The following COBL variants were observed in gnomAD, a reference collection of about 807,000 sequenced individuals.
COBL encodes cordon-bleu WH2 repeat protein, also known as protein cordon-bleu.
In COBL, 51 loss-of-function variants were observed where a neutral mutation model predicts 98.8. The ratio of observed to expected loss-of-function variants is 0.52; its 90% CI spans 0.41 to 0.65. The LOEUF (loss-of-function observed/expected upper bound fraction) is 0.65. COBL is among the 30% of genes least tolerant of loss of function. The pLI, the probability that COBL is intolerant of heterozygous loss-of-function variation, is 0.00. For synonymous variants in COBL, 634 were observed against 651.7 expected (o/e 0.97, Z 0.41); for missense variants, 1,617 against 1,617.5 (o/e 1.00, Z 0.01).
chr7:51,079,657 C>T (rs766262840), intron 7 of COBL, among the ~76,000 whole-genome samples: 10 of 152,224 alleles, frequency 6.6e-5, no homozygotes, highest in Non-Finnish European at 1.0e-4. Flanking sequence ...CAGAGACAGG[C>T]ACCTGAGGTG....
At chr7:51,175,187 G>A (rs1320943011) in intron 5 of COBL, among the ~76,000 whole-genome samples, 4 of 152,248 alleles carry the variant, frequency 2.6e-5, no homozygotes, top group African/African-American at 9.6e-5. Flanking sequence ...CTTGGAGCAG[G>A]TAGGTCAAGG....
At chr7:51,156,228 G>GAAGGCA (rs1363443530) in intron 5 of COBL, 4 of 984,134 alleles carry the variant, frequency 4.1e-6, no homozygotes, top group Admixed American at 6.2e-5. Context: ...TACAAGCCAA[G>GAAGGCA]AAGGCAAATT....
At chr7:51,139,817 G>A (rs1583928515) in intron 5 of COBL, among the ~76,000 whole-genome samples, 1 of 152,278 alleles carries the variant, frequency 6.6e-6, no homozygotes, top group East Asian at 1.9e-4. Flanking sequence ...TCAATACGAA[G>A]TCAAAGGGAA....
intron 5 of COBL, among the ~76,000 whole-genome samples, chr7:51,148,676 T>C (rs1387862436): frequency 6.6e-6 from 1 of 152,176 alleles, no homozygotes; most frequent in Non-Finnish European, 1.5e-5. Context: ...GAAATGCATA[T>C]CCCTCCATGA....
chr7:51,237,225 T>G (rs914028410), intron 1 of COBL, among the ~76,000 whole-genome samples: 2 of 152,196 alleles, frequency 1.3e-5, no homozygotes, highest in Non-Finnish European at 1.5e-5. Flanking sequence ...CAAAGTAAAC[T>G]AATTCTTTAA....
At chr7:51,067,476 T>C (rs2128919096) in intron 7 of COBL, among the ~76,000 whole-genome samples, 1 of 152,364 alleles carries the variant, frequency 6.6e-6, no homozygotes, top group African/African-American at 2.4e-5. Context: ...TATACATCTA[T>C]GCACATGTAC....
chr7:51,164,533 G>A (rs945513361), intron 5 of COBL, among the ~76,000 whole-genome samples: 2 of 151,938 alleles, frequency 1.3e-5, no homozygotes, highest in South Asian at 2.1e-4. Context: ...AATATCCTTC[G>A]GACATAAAGG....
intron 5 of COBL, among the ~76,000 whole-genome samples, chr7:51,147,587 G>A (rs1583960738): frequency 6.6e-6 from 1 of 152,102 alleles, no homozygotes; most frequent in African/African-American, 2.4e-5. Flanking sequence ...AACAAAGGGA[G>A]GAGGAAGTAA....
intron 7 of COBL, among the ~76,000 whole-genome samples, chr7:51,074,387 G>A (rs1020330930): frequency 6.6e-6 from 1 of 151,716 alleles, no homozygotes; most frequent in Non-Finnish European, 1.5e-5. Context: ...GTAGAGATGG[G>A]GTTTCACTAT....
At chr7:51,018,173 C>T (rs774999241) in intron 12 of COBL, among the ~76,000 whole-genome samples, 13 of 151,088 alleles carry the variant, frequency 8.6e-5, no homozygotes, top group African/African-American at 1.2e-4. Flanking sequence ...GCAGTGGTAA[C>T]GGTGGTTATG....
At chr7:51,165,168 C>A (rs1787182516) in intron 5 of COBL, among the ~76,000 whole-genome samples, 1 of 151,768 alleles carries the variant, frequency 6.6e-6, no homozygotes, top group Non-Finnish European at 1.5e-5. Context: ...TCTCAAAAAA[C>A]AGACTGGCTG....
At chr7:51,169,149 A>C (rs1787613494) in intron 5 of COBL, among the ~76,000 whole-genome samples, 1 of 152,198 alleles carries the variant, frequency 6.6e-6, no homozygotes, top group Non-Finnish European at 1.5e-5. Flanking sequence ...AAACCTTGGT[A>C]TCCACAACCC....
intron 2 of COBL, among the ~76,000 whole-genome samples, chr7:51,194,934 T>C (rs1002145497): frequency 1.3e-5 from 2 of 152,212 alleles, no homozygotes; most frequent in African/African-American, 2.4e-5. Flanking sequence ...GTCAGATGCA[T>C]AGTTGGAAAA....
intron 5 of COBL, among the ~76,000 whole-genome samples, chr7:51,152,341 T>G (rs1253366299): frequency 2.0e-5 from 3 of 152,218 alleles, no homozygotes; most frequent in Admixed American, 6.5e-5. Context: ...CATCTGTAGC[T>G]TGTTTCTTAG....
At chr7:51,038,554 G>A (rs1010004843) in intron 8 of COBL, among the ~76,000 whole-genome samples, 3 of 152,212 alleles carry the variant, frequency 2.0e-5, no homozygotes, top group African/African-American at 7.2e-5. Context: ...AGAACATAGC[G>A]AGGTAGACCT....
At chr7:51,307,898 T>G (rs944798737) in intron 1 of COBL, among the ~76,000 whole-genome samples, 6 of 152,232 alleles carry the variant, frequency 3.9e-5, no homozygotes, top group African/African-American at 1.4e-4. Context: ...TTGGCTCTTG[T>G]GAGAGATCTG....
At position 51,195,369 on chromosome 7, in the gene COBL, C is replaced by A. The variant is rs186305742; in HGVS notation, c.246-1780G>T. ...TTGGGTTCTCCATTCTGTTCCATTGCCCTATGTGTCTGTTTTTGTATAAAT... is the reference window on the plus strand; with the variant it reads ...TTGGGTTCTCCATTCTGTTCCATTGACCTATGTGTCTGTTTTTGTATAAAT... On this transcript the variant is annotated intron_variant, in intron 2 of 12. Transcript: ENST00000265136. Among the ~76,000 whole-genome samples, 322 of 152,138 alleles carry A rather than the reference C, an allele frequency of 2.1e-3. 2 individuals carry two copies. The highest frequency in any genetic ancestry group is 7.3e-3 in the African/African-American group (304 of 41,504).
At chr7:51,111,061 G>T (rs1796778489) in intron 6 of COBL, among the ~76,000 whole-genome samples, 1 of 152,192 alleles carries the variant, frequency 6.6e-6, no homozygotes, top group Admixed American at 6.5e-5. Flanking sequence ...CCAGTAGTGG[G>T]ATTGCTGGAT....
At position 51,266,004 on chromosome 7, in the gene COBL, A is replaced by G. The variant is rs375184364; in HGVS notation, c.42-46060T>C. 4.6e-5 allele frequency among the ~76,000 whole-genome samples: 7 copies of G among 152,250 alleles called. No individual in the cohort carries two copies. The South Asian group carries it at 6.2e-4, about 14-fold the overall frequency. ...TTCACAATTCCTTTCACAGTAATAT[A>G]CAACCTTAAAAGCCCCCTGGGATTA... is the stretch of plus-strand genomic sequence containing the variant. On this transcript the variant is annotated intron_variant, in intron 1 of 12. Coordinates refer to ENST00000265136, the MANE Select transcript of COBL (RefSeq NM_015198.5).
Sources: gnomAD v4.1 joint callset for allele counts (sites outside exome capture counted in the v4.1 genomes callset) on GRCh38, gnomAD v4.1.1 for gene constraint, MANE v1.5 for transcripts, NCBI Gene and HGNC (gene_info 2026-07-23, HGNC 2026-07-21) for gene names.